CNTN4: variants seen among roughly 807,000 people sequenced by gnomAD.
CNTN4 encodes contactin-4.
In CNTN4, 77 loss-of-function variants were observed where a neutral mutation model predicts 122.5. The observed-to-expected ratio is 0.63, with a 90% CI of 0.52 to 0.76. The LOEUF is 0.76. Among genes scored for constraint, CNTN4 ranks in the 30% least tolerant of loss-of-function variants. CNTN4 has a pLI of 0.00. For missense variants in CNTN4, 1,256 were observed against 1,259.1 expected (o/e 1.00, Z 0.04); for synonymous variants, 512 against 447.0 (o/e 1.15, Z -1.83).
intron 4 of CNTN4, among the ~76,000 whole-genome samples, chr3:2,730,211 T>C (rs779279198): frequency 1.3e-5 from 2 of 152,154 alleles, no homozygotes; most frequent in Non-Finnish European, 2.9e-5. Context: ...AACATGAAAA[T>C]CATTAATGTT....
intron 6 of CNTN4, among the ~76,000 whole-genome samples, chr3:2,818,185 A>G (rs900202406): frequency 1.3e-5 from 2 of 152,222 alleles, no homozygotes; most frequent in Non-Finnish European, 2.9e-5. Flanking sequence ...GATGGTACTT[A>G]ATGGAGTTTT....
At chr3:2,507,187 A>G (rs1332891585) in intron 3 of CNTN4, among the ~76,000 whole-genome samples, 17 of 152,078 alleles carry the variant, frequency 1.1e-4, no homozygotes, top group Admixed American at 1.1e-3. Context: ...GAACCCCATC[A>G]TGCTTCCCTT....
chr3:2,798,225 G>A lies in CNTN4; in HGVS notation c.359-21261G>A, dbSNP rs1270265135. Among the ~76,000 whole-genome samples the A allele has an allele frequency of 5.3e-5, 8 of 151,526 alleles. No homozygotes were observed. The East Asian group carries it at 1.4e-3, about 26-fold the overall frequency. On this transcript the variant is annotated intron_variant, in intron 6 of 24. Coordinates refer to ENST00000418658, the MANE Select transcript of CNTN4 (RefSeq NM_175607.3). ...GATAATGGCCTTCAGTTCCATCGAT[G>A]TTGCTACAAAAGACAAGATTTTATT...
chr3:2,827,261 A>G (rs2093006375), intron 7 of CNTN4, among the ~76,000 whole-genome samples: 2 of 152,174 alleles, frequency 1.3e-5, no homozygotes, highest in African/African-American at 2.4e-5. Flanking sequence ...GGTTCCTAGC[A>G]TCACTTTCAA....
At chr3:2,201,896 C>G (rs1228745989) in intron 2 of CNTN4, among the ~76,000 whole-genome samples, 1 of 152,040 alleles carries the variant, frequency 6.6e-6, no homozygotes, top group Non-Finnish European at 1.5e-5. Context: ...TGATTTGGTT[C>G]ATTTAAAAAA....
chr3:2,726,458 C>G (rs2088230618), intron 4 of CNTN4, among the ~76,000 whole-genome samples: 1 of 152,054 alleles, frequency 6.6e-6, no homozygotes, highest in Non-Finnish European at 1.5e-5. Flanking sequence ...GTTGGTTCAC[C>G]AAAGAAAGAG....
Position 2,187,408 on chromosome 3 carries a change from C to G in CNTN4, c.-145+86769C>G, listed in dbSNP as rs186411473. Reference sequence around the variant, plus strand: ...TTGGCTTAGGATTGTCTTGGCAATGCGGGCTCTTTTTTGGGAATCATTGGT... The same window carrying G: ...TTGGCTTAGGATTGTCTTGGCAATGGGGGCTCTTTTTTGGGAATCATTGGT... On this transcript the variant is annotated intron_variant, in intron 2 of 24. Transcript: ENST00000418658. Among the ~76,000 whole-genome samples, 234 of 152,164 alleles carry G rather than the reference C, an allele frequency of 1.5e-3. 1 individual carries two copies. The highest frequency in any genetic ancestry group is 5.5e-3 in the African/African-American group (227 of 41,530).
chr3:2,103,753 C>T (rs1343116571), intron 2 of CNTN4, among the ~76,000 whole-genome samples: 1 of 151,972 alleles, frequency 6.6e-6, no homozygotes, highest in African/African-American at 2.4e-5. Flanking sequence ...TTCTATATGA[C>T]TAAGGGGACT....
intron 3 of CNTN4, among the ~76,000 whole-genome samples, chr3:2,364,902 C>G (rs998594434): frequency 6.6e-6 from 1 of 152,120 alleles, no homozygotes; most frequent in Non-Finnish European, 1.5e-5. Flanking sequence ...ATGCTGTTTT[C>G]ATAGTCCACA....
At chr3:2,192,082 G>T (rs551414872) in intron 2 of CNTN4, among the ~76,000 whole-genome samples, 1 of 151,836 alleles carries the variant, frequency 6.6e-6, no homozygotes, top group African/African-American at 2.4e-5. Flanking sequence ...TGGCTGCATA[G>T]TATTCCATGG....
At chr3:3,037,974 T>C (rs771177691) in intron 18 of CNTN4, among the ~76,000 whole-genome samples, 2 of 152,184 alleles carry the variant, frequency 1.3e-5, no homozygotes, top group Non-Finnish European at 2.9e-5. Context: ...GAGGCCTACA[T>C]GTGCCGTCTT....
intron 4 of CNTN4, among the ~76,000 whole-genome samples, chr3:2,654,865 T>A (rs1234522027): frequency 1.3e-5 from 2 of 152,132 alleles, no homozygotes; most frequent in Non-Finnish European, 2.9e-5. Context: ...TCTTATCTTC[T>A]GCGTGGCACT....
chr3:2,821,434 A>G (rs2092870004), intron 7 of CNTN4, among the ~76,000 whole-genome samples: 2 of 152,194 alleles, frequency 1.3e-5, no homozygotes, highest in Non-Finnish European at 2.9e-5. Context: ...ACAAAAGGCA[A>G]TGATTTGTTT....
intron 3 of CNTN4, among the ~76,000 whole-genome samples, chr3:2,535,562 G>A (rs1186086669): frequency 6.6e-6 from 1 of 152,098 alleles, no homozygotes; most frequent in Non-Finnish European, 1.5e-5. Flanking sequence ...TTTGTTCACA[G>A]TACTTGGTAA....
chr3:2,344,038 C>A (rs1008174208), intron 3 of CNTN4, among the ~76,000 whole-genome samples: 1 of 152,232 alleles, frequency 6.6e-6, no homozygotes, highest in Admixed American at 6.5e-5. Flanking sequence ...GGAATTTACT[C>A]ATTACCCAAG....
At chr3:2,264,511 G>C (rs2040964495) in intron 2 of CNTN4, among the ~76,000 whole-genome samples, 1 of 151,994 alleles carries the variant, frequency 6.6e-6, no homozygotes, top group South Asian at 2.1e-4. Flanking sequence ...GTATTCTGGT[G>C]ATTAATCTCT....
chr3:2,980,626 A>G (rs1693868405), intron 13 of CNTN4, among the ~76,000 whole-genome samples: 1 of 152,214 alleles, frequency 6.6e-6, no homozygotes, highest in Non-Finnish European at 1.5e-5. Flanking sequence ...GACGTTTGAC[A>G]TCTCATGCCA....
intron 19 of CNTN4, chr3:3,039,252 T>A (rs1699923129): frequency 2.4e-6 from 1 of 424,092 alleles, no homozygotes; most frequent in Non-Finnish European, 4.3e-6. Flanking sequence ...CAACACACGT[T>A]ACAAAAAAAA....
At chr3:2,919,835 A>C (rs77383203) in intron 12 of CNTN4, among the ~76,000 whole-genome samples, 2,077 of 152,328 alleles carry the variant, frequency 0.014, 48 homozygotes, top group African/African-American at 0.047. Flanking sequence ...CCCTACTTAA[A>C]GCATTATATA....
Sources: allele counts gnomAD v4.1 joint callset (sites outside exome capture counted in the v4.1 genomes callset), GRCh38; gene constraint gnomAD v4.1.1; transcripts MANE v1.5; gene names NCBI Gene and HGNC (gene_info 2026-07-23, HGNC 2026-07-21).